Variants in SYT1 observed in about 807,000 individuals in gnomAD.
SYT1 encodes the protein synaptotagmin-1.
In SYT1, 8 loss-of-function variants were observed where a neutral mutation model predicts 44.8. The observed-to-expected ratio is 0.18, with a 90% CI of 0.10 to 0.32. The LOEUF (loss-of-function observed/expected upper bound fraction) is 0.32. Ranked by LOEUF, SYT1 falls within the 10% of genes least tolerant of loss-of-function variation. SYT1 has a pLI of 1.00. For missense variants in SYT1, 286 were observed against 509.3 expected, an observed-to-expected ratio of 0.56 and a Z score of 4.22; for synonymous variants, 154 against 188.8, an observed-to-expected ratio of 0.82 and a Z score of 1.51.
chr12:78,949,078 A>G (rs1878823422), intron 1 of SYT1, among the ~76,000 whole-genome samples: 1 of 151,362 alleles, frequency 6.6e-6, no homozygotes, highest in Non-Finnish European at 1.5e-5. Context: ...GATCGTCTTT[A>G]TGCCAGTTGC....
intron 9 of SYT1, among the ~76,000 whole-genome samples, chr12:79,390,324 G>C (rs2136091939): frequency 6.6e-6 from 1 of 152,262 alleles, no homozygotes; most frequent in South Asian, 2.1e-4. Flanking sequence ...TAAATTCCTA[G>C]AAGTAACATT....
chr12:78,950,336 A>T (rs2137291692), intron 1 of SYT1, among the ~76,000 whole-genome samples: 1 of 152,194 alleles, frequency 6.6e-6, no homozygotes, highest in Non-Finnish European at 1.5e-5. Context: ...TATCTTTTTA[A>T]TACAGTAATA....
intron 8 of SYT1, among the ~76,000 whole-genome samples, chr12:79,340,821 C>G (rs1475648262): frequency 6.6e-6 from 1 of 152,112 alleles, no homozygotes; most frequent in African/African-American, 2.4e-5. Flanking sequence ...TTTCAAGTAC[C>G]TCAGCACACT....
At chr12:78,968,343 C>T (rs1868297469) in intron 1 of SYT1, among the ~76,000 whole-genome samples, 1 of 152,032 alleles carries the variant, frequency 6.6e-6, no homozygotes, top group South Asian at 2.1e-4. Context: ...TTGGAAGAGT[C>T]ATCACATTCT....
intron 9 of SYT1, among the ~76,000 whole-genome samples, chr12:79,421,731 G>T (rs1383709425): frequency 6.0e-5 from 9 of 150,662 alleles, no homozygotes; most frequent in Non-Finnish European, 1.0e-4. Flanking sequence ...TTTATTGTTG[G>T]TGGTGGTGGG....
At chr12:78,943,178 T>A (rs1878474433) in intron 1 of SYT1, among the ~76,000 whole-genome samples, 1 of 152,220 alleles carries the variant, frequency 6.6e-6, no homozygotes, top group Non-Finnish European at 1.5e-5. Flanking sequence ...TTATCCCATC[T>A]GTGGTTGGAA....
intron 2 of SYT1, among the ~76,000 whole-genome samples, chr12:79,003,984 C>T (rs138296030): frequency 6.6e-5 from 10 of 151,886 alleles, no homozygotes; most frequent in African/African-American, 2.2e-4. Flanking sequence ...AGTTAACCTT[C>T]GTCTTTAGAG....
At chr12:79,249,292 G>A (rs1436080585) in intron 4 of SYT1, among the ~76,000 whole-genome samples, 4 of 150,864 alleles carry the variant, frequency 2.7e-5, no homozygotes, top group African/African-American at 9.8e-5. Flanking sequence ...TTTTAGTAGA[G>A]ACGGGGTTTC....
At chr12:79,241,859 C>T (rs548400920) in intron 4 of SYT1, among the ~76,000 whole-genome samples, 10 of 151,966 alleles carry the variant, frequency 6.6e-5, no homozygotes, top group East Asian at 3.9e-4. Context: ...GAGGTCATAC[C>T]GAAGTAATGC....
chr12:79,102,018 C>G (rs971980171), intron 3 of SYT1, among the ~76,000 whole-genome samples: 2 of 152,066 alleles, frequency 1.3e-5, no homozygotes, highest in African/African-American at 4.8e-5. Flanking sequence ...CTTAAAATTA[C>G]CTATTCATAA....
At position 78,896,585 on chromosome 12, in the gene SYT1, C is replaced by A. The variant is rs1875370326; in HGVS notation, c.-217+31476C>A. Among the ~76,000 whole-genome samples, 6 of 151,646 alleles carry A rather than the reference C, an allele frequency of 4.0e-5. No individual in the cohort carries two copies. In the Admixed American group the frequency reaches 4.0e-4, roughly 10 times the overall value. ...AGTTTAACTTGAAATTAAGAGCAAC[C>A]ACCCTCCCCAAGGGGAAAAATATCT... On this transcript the variant is annotated intron_variant, in intron 1 of 10. Transcript: ENST00000261205.
intron 3 of SYT1, among the ~76,000 whole-genome samples, chr12:79,133,259 C>T (rs1460546431): frequency 6.6e-6 from 1 of 152,106 alleles, no homozygotes; most frequent in Non-Finnish European, 1.5e-5. Context: ...TGGCTCACAC[C>T]TGTAATCCCT....
chr12:79,116,305 C>T (rs1006007717), intron 3 of SYT1, among the ~76,000 whole-genome samples: 9 of 152,180 alleles, frequency 5.9e-5, no homozygotes, highest in African/African-American at 1.4e-4. Flanking sequence ...AAAAGCCTAA[C>T]GAAGACATTT....
intron 2 of SYT1, among the ~76,000 whole-genome samples, chr12:79,038,214 C>CAT (rs1173359356): frequency 8.6e-5 from 13 of 150,456 alleles, no homozygotes; most frequent in East Asian, 5.9e-4. Flanking sequence ...TATATACACA[C>CAT]ATATATATAT....
chr12:79,442,229 A>C (rs1027191354), intron 9 of SYT1, among the ~76,000 whole-genome samples: 1 of 152,172 alleles, frequency 6.6e-6, no homozygotes, highest in Non-Finnish European at 1.5e-5. Flanking sequence ...TAGCTTTATA[A>C]AATTGCAAGG....
At chr12:78,951,777 G>T (rs1316707093) in intron 1 of SYT1, among the ~76,000 whole-genome samples, 1 of 152,114 alleles carries the variant, frequency 6.6e-6, no homozygotes, top group East Asian at 1.9e-4. Flanking sequence ...TTGTTCACCT[G>T]AGTGGGTATT....
chr12:79,326,889 T>C (rs1881630747), intron 8 of SYT1, among the ~76,000 whole-genome samples: 1 of 152,176 alleles, frequency 6.6e-6, no homozygotes, highest in Admixed American at 6.5e-5. Context: ...AGAAAACACC[T>C]CAGGATGACT....
chr12:79,221,689 T>C (rs1472468090), intron 4 of SYT1, among the ~76,000 whole-genome samples: 2 of 152,178 alleles, frequency 1.3e-5, no homozygotes, highest in Non-Finnish European at 2.9e-5. Context: ...ACAATTTTAC[T>C]CCTCTACTGT....
In SYT1 at chr12:79,233,224, G is replaced by A. The variant is rs75221127; in HGVS notation, c.166+15539G>A. On this transcript the variant is annotated intron_variant, in intron 4 of 10. Transcript: ENST00000261205. ...TATTCCAAGTGGAGATCAGGGACTC[G>A]GTGATAGCTTCATCTTTTTGTTTTA... 4.1e-3 allele frequency among the ~76,000 whole-genome samples: 621 copies of A among 152,216 alleles called. 3 individuals are homozygous for A. Among genetic ancestry groups the A allele is most frequent in the African/African-American group, 0.014 (583 of 41,518 alleles).
Sources: gnomAD v4.1 joint callset for allele counts (sites outside exome capture counted in the v4.1 genomes callset) on GRCh38, gnomAD v4.1.1 for gene constraint, MANE v1.5 for transcripts, NCBI Gene and HGNC (gene_info 2026-07-23, HGNC 2026-07-21) for gene names.